PFKP: variants seen among roughly 807,000 people sequenced by gnomAD.
PFKP encodes the protein ATP-dependent 6-phosphofructokinase, platelet type.
In PFKP, 101 loss-of-function variants were observed where a neutral mutation model predicts 94.3. The ratio of observed to expected loss-of-function variants is 1.07; its 90% CI spans 0.91 to 1.26. PFKP has a LOEUF of 1.26. Among genes scored for constraint, PFKP ranks in the 50% most tolerant of loss-of-function variants. The pLI is 0.00. For synonymous variants in PFKP, 573 were observed against 432.6 expected (o/e 1.32, Z -4.03); for missense variants, 1,145 against 1,103.3 (o/e 1.04, Z -0.53).
intron 2 of PFKP, among the ~76,000 whole-genome samples, chr10:3,086,630 G>A (rs1833626378): frequency 1.3e-5 from 2 of 152,158 alleles, no homozygotes. Context: ...GTAGAAACAA[G>A]GCCGAGGGAC....
In PFKP at chr10:3,080,240, G is replaced by T. The variant is rs72778565; in HGVS notation, c.113-2148G>T. Among the ~76,000 whole-genome samples the T allele has an allele frequency of 3.3e-3, 505 of 152,298 alleles. 1 individual carries two copies. The highest frequency in any genetic ancestry group is 0.01 in the Middle Eastern group (3 of 294). On this transcript the variant is annotated intron_variant, in intron 1 of 21. Coordinates refer to ENST00000381125, the MANE Select transcript of PFKP (RefSeq NM_002627.5). ...TCGTGCTTTAGAAGAGAACATTGCCGGGTGCAGTGGCTCAAGCCTGTAATC... is the reference window on the plus strand; with the variant it reads ...TCGTGCTTTAGAAGAGAACATTGCCTGGTGCAGTGGCTCAAGCCTGTAATC...
intron 2 of PFKP, among the ~76,000 whole-genome samples, chr10:3,097,044 C>G (rs1300226437): frequency 8.7e-6 from 1 of 115,548 alleles, no homozygotes; most frequent in Admixed American, 8.2e-5. Context: ...CGCCACTGCA[C>G]TCCAGCCTGG....
intron 2 of PFKP, 116 bp from the exon 3 acceptor site, chr10:3,099,159 T>C: frequency 1.2e-6 from 1 of 801,490 alleles, no homozygotes; most frequent in Non-Finnish European, 2.1e-6. Flanking sequence ...TTCTGACCAG[T>C]GGATGCTGAG....
At position 3,119,944 on chromosome 10, in the gene PFKP, T is replaced by TCTGTGTCCCCATGGTCATGGTTCCCGCTA; in HGVS notation, c.1592_1620dup (p.Asn541ProfsTer26). Reference sequence around the variant, plus strand: ...GCCGCCCGGGAGAAGCACGAGGAGTTCTGTGTCCCCATGGTCATGGTTCCC... The same window carrying TCTGTGTCCCCATGGTCATGGTTCCCGCTA: ...GCCGCCCGGGAGAAGCACGAGGAGTTCTGTGTCCCCATGGTCATGGTTCCCGCTACTGTGTCCCCATGGTCATGGTTCCC... On this transcript the variant is annotated frameshift_variant, in exon 16 of 22. Transcript: ENST00000381125. LOFTEE classifies it high-confidence loss of function. The TCTGTGTCCCCATGGTCATGGTTCCCGCTA allele has an allele frequency of 6.2e-7, 1 of 1,614,122 alleles. No homozygotes were observed. Among genetic ancestry groups the TCTGTGTCCCCATGGTCATGGTTCCCGCTA allele is most frequent in the Non-Finnish European group, 8.5e-7 (1 of 1,180,000 alleles).
chr10:3,109,257 A>C, intron 9 of PFKP, 98 bp from the exon 10 acceptor site: 1 of 1,499,128 alleles, frequency 6.7e-7, no homozygotes, highest in Non-Finnish European at 9.2e-7. Flanking sequence ...GGCTGTGAGC[A>C]CCTGACTGAG....
rs532802109 is a variant in PFKP, at chr10:3,087,283, G to T, written c.186+4822G>T. ...TCAGAGGCCCTGGGCTTTCTTGGGA[G>T]GTAAAACCCATATGTTCTCTCTGTC... On this transcript the variant is annotated intron_variant, in intron 2 of 21. Coordinates refer to ENST00000381125, the MANE Select transcript of PFKP (RefSeq NM_002627.5). Among the ~76,000 whole-genome samples the T allele has an allele frequency of 3.9e-5, 6 of 152,290 alleles. No homozygotes were observed. The South Asian group carries it at 1.2e-3, about 32-fold the overall frequency.
chr10:3,093,075 C>T (rs1013582640), intron 2 of PFKP, among the ~76,000 whole-genome samples: 1 of 151,320 alleles, frequency 6.6e-6, no homozygotes, highest in Non-Finnish European at 1.5e-5. Flanking sequence ...ATGGGGGTGA[C>T]CACGGAAGCC....
chr10:3,100,056 G>GTGGT (rs376262163), intron 3 of PFKP, among the ~76,000 whole-genome samples: 9 of 137,744 alleles, frequency 6.5e-5, no homozygotes, highest in African/African-American at 2.8e-4. Context: ...GTAGGTGTGT[G>GTGGT]GTGTGTGTGT....
intron 1 of PFKP, chr10:3,068,593 G>A (rs933826549): frequency 4.7e-6 from 4 of 846,626 alleles, no homozygotes; most frequent in Non-Finnish European, 5.7e-6. Context: ...GGGGCCCGAG[G>A]CTGGGCCCAC....
Position 3,129,960 on chromosome 10 carries a change from C to T in PFKP, c.1825C>T (p.Pro609Ser), listed in dbSNP as rs765991943. Reference sequence around the variant, plus strand: ...TGATGCCGCATACATTTTCGAAGAGCCCTTCGACATCAGGGATCTGCAGGT... The same window carrying T: ...TGATGCCGCATACATTTTCGAAGAGTCCTTCGACATCAGGGATCTGCAGGT... ...GADAAYIFEE[P>S]FDIRDLQSNV... The change falls in exon 17 of 22, where the codon CCC becomes TCC. Residue 609 changes from proline (P) to serine (S), a missense_variant. Around this residue, in one of 3 missense-constraint regions of PFKP, gnomAD observed 1,119 missense variants for 1,062.8 expected, o/e 1.05. Coordinates refer to ENST00000381125, the MANE Select transcript of PFKP (RefSeq NM_002627.5). 2.5e-6 allele frequency: 4 copies of T among 1,589,608 alleles called. No homozygotes were observed. Among genetic ancestry groups the T allele is most frequent in the East Asian group, 2.2e-5 (1 of 44,538 alleles).
chr10:3,113,235 C>T (rs1420462809), intron 12 of PFKP, 47 bp downstream of exon 12: 1 of 1,592,170 alleles, frequency 6.3e-7, no homozygotes, highest in Admixed American at 1.7e-5. Flanking sequence ...CTGCGGGCCT[C>T]CCCTCATGGC....
At chr10:3,103,075 C>T (rs1397698973) in intron 4 of PFKP, among the ~76,000 whole-genome samples, 2 of 152,228 alleles carry the variant, frequency 1.3e-5, no homozygotes, top group Non-Finnish European at 2.9e-5. Context: ...CCCACAGATG[C>T]ATGAGAAATC....
At chr10:3,082,909 C>T (rs1833200132) in intron 2 of PFKP, among the ~76,000 whole-genome samples, 1 of 152,122 alleles carries the variant, frequency 6.6e-6, no homozygotes, top group South Asian at 2.1e-4. Flanking sequence ...GAAGGGGTCT[C>T]ACCATGTTGG....
At chr10:3,080,814 G>A (rs1202536401) in intron 1 of PFKP, among the ~76,000 whole-genome samples, 3 of 152,222 alleles carry the variant, frequency 2.0e-5, no homozygotes, top group Non-Finnish European at 2.9e-5. Context: ...GGGAGTCAGG[G>A]AGTCGGGGGT....
Position 3,134,191 on chromosome 10 carries a change from C to T in PFKP, c.2023-292C>T, listed in dbSNP as rs552497123. 9.2e-5 allele frequency among the ~76,000 whole-genome samples: 14 copies of T among 152,308 alleles called. No individual in the cohort carries two copies. In the South Asian group the frequency reaches 2.9e-3, roughly 32 times the overall value. Reference sequence around the variant, plus strand: ...TTATCAGATTAAAGCTGTGACCCATCCCCAGCTCAGATGAGTTCATGAAAT... The same window carrying T: ...TTATCAGATTAAAGCTGTGACCCATTCCCAGCTCAGATGAGTTCATGAAAT... On this transcript the variant is annotated intron_variant, in intron 19 of 21. Transcript: ENST00000381125.
rs575159135 is a variant in PFKP, at chr10:3,080,442, G to C, written c.113-1946G>C. On this transcript the variant is annotated intron_variant, in intron 1 of 21. Transcript: ENST00000381125. ...TGAGGCAGGAGAATGGCGTGAACCT[G>C]GGAGGCGGAGCTTGCAGTGAGCCGA... Among the ~76,000 whole-genome samples the C allele has an allele frequency of 2.7e-5, 4 of 150,098 alleles. No individual in the cohort carries two copies. In the East Asian group the frequency reaches 8.0e-4, roughly 30 times the overall value.
rs1392493030 is a variant in PFKP at position 3,120,877 on chromosome 10, G to A, written c.1683+833G>A. ...TTGTGTGTCACGCTTGGTAATTGATGTGGGAGTTTGAAGATCCGTACCTAA... is the reference window on the plus strand; with the variant it reads ...TTGTGTGTCACGCTTGGTAATTGATATGGGAGTTTGAAGATCCGTACCTAA... On this transcript the variant is annotated intron_variant, in intron 16 of 21. Transcript: ENST00000381125. Among the ~76,000 whole-genome samples, 19 of 152,140 alleles carry A rather than the reference G, an allele frequency of 1.2e-4. No homozygotes were observed. The East Asian group carries it at 2.7e-3, about 22-fold the overall frequency.
intron 17 of PFKP, among the ~76,000 whole-genome samples, chr10:3,130,571 CTTTA>C (rs1049623384): frequency 3.9e-5 from 6 of 152,090 alleles, no homozygotes; most frequent in African/African-American, 1.4e-4. Flanking sequence ...GAACAATTGT[CTTTA>C]TTTAGAGAGG....
chr10:3,098,122 T>C (rs562106659), intron 2 of PFKP, among the ~76,000 whole-genome samples: 32 of 152,338 alleles, frequency 2.1e-4, no homozygotes, highest in African/African-American at 7.2e-4. Context: ...GATTAATTTA[T>C]ATATAGAACT....
Sources: allele counts gnomAD v4.1 joint callset (sites outside exome capture counted in the v4.1 genomes callset), GRCh38; gene constraint gnomAD v4.1.1; regional missense constraint gnomAD v4.1.1; transcripts MANE v1.5; gene names NCBI Gene and HGNC (gene_info 2026-07-23, HGNC 2026-07-21).